PLPP7: variants seen among roughly 807,000 people sequenced by gnomAD.
PLPP7 encodes phospholipid phosphatase 7 (inactive).
A neutral mutation model predicts 16.9 loss-of-function variants in PLPP7; 11 were observed. That is an observed-to-expected ratio of 0.65 (90% CI 0.41 to 1.08). The LOEUF is 1.08. Ranked by LOEUF, PLPP7 falls within the 50% of genes least tolerant of loss-of-function variation. The pLI is 0.00. For synonymous variants in PLPP7, 174 were observed against 175.1 expected, an observed-to-expected ratio of 0.99 and a Z score of 0.05; for missense variants, 358 against 397.1, an observed-to-expected ratio of 0.90 and a Z score of 0.84.
chr9:131,294,344 C>G (rs1176314694), intron 1 of PLPP7, among the ~76,000 whole-genome samples: 1 of 152,220 alleles, frequency 6.6e-6, no homozygotes, highest in Non-Finnish European at 1.5e-5. Context: ...TTGGCACTTA[C>G]TGATGTTGGT....
intron 1 of PLPP7, among the ~76,000 whole-genome samples, chr9:131,297,784 CT>C (rs1213604364): frequency 1.3e-5 from 2 of 152,234 alleles, no homozygotes; most frequent in Non-Finnish European, 2.9e-5. Context: ...AAAATCACCC[CT>C]AATCCTCTTG....
At chr9:131,307,749 G>C (rs1835869837) in intron 1 of PLPP7, among the ~76,000 whole-genome samples, 174 bp from the exon 2 acceptor site, 1 of 152,162 alleles carries the variant, frequency 6.6e-6, no homozygotes. Flanking sequence ...GATGTGCCGG[G>C]CAGGGGAGAC....
chr9:131,291,149 T>C lies in PLPP7; in HGVS notation c.451+701T>C, dbSNP rs778064278. On this transcript the variant is annotated intron_variant, in intron 1 of 1. Coordinates refer to ENST00000372264, the MANE Select transcript of PLPP7 (RefSeq NM_032728.4). ...TGTGCCAGGTGCCACGTGGGGCCCA[T>C]GTGGAGGCAAGCCATTCCCTCCACC... 1.4e-5 allele frequency: 19 copies of C among 1,366,446 alleles called. No individual in the cohort carries two copies. In the South Asian group the frequency reaches 1.9e-4, roughly 14 times the overall value. 84.6% of individuals were successfully genotyped at this position (1,366,446 alleles called of 1,614,324 possible). A position where few individuals can be genotyped will look rare whatever the true frequency, so the allele number is the denominator to read the frequency against.
intron 1 of PLPP7, among the ~76,000 whole-genome samples, chr9:131,296,242 T>C (rs1835733694): frequency 6.6e-6 from 1 of 152,102 alleles, no homozygotes; most frequent in Non-Finnish European, 1.5e-5. Context: ...TTTTTGTTTG[T>C]TTTTTGTTTC....
chr9:131,301,214 C>T (rs1835795182), intron 1 of PLPP7, among the ~76,000 whole-genome samples: 2 of 152,138 alleles, frequency 1.3e-5, no homozygotes, highest in Non-Finnish European at 2.9e-5. Flanking sequence ...GGTGATCCAC[C>T]CACCTCGGCC....
At chr9:131,291,544 G>A (rs1212069414) in intron 1 of PLPP7, 1 of 323,774 alleles carries the variant, frequency 3.1e-6, no homozygotes, top group African/African-American at 2.3e-5. Flanking sequence ...CCACCTTCGA[G>A]GTTTTCTTGT....
At chr9:131,303,148 A>AT (rs898016494) in intron 1 of PLPP7, among the ~76,000 whole-genome samples, 84 of 152,292 alleles carry the variant, frequency 5.5e-4, no homozygotes, top group African/African-American at 1.7e-3. Context: ...GCTGACCAAC[A>AT]TGGAGAAACT....
intron 1 of PLPP7, among the ~76,000 whole-genome samples, chr9:131,291,656 A>G (rs1253291063): frequency 6.7e-6 from 1 of 148,834 alleles, no homozygotes; most frequent in Non-Finnish European, 1.5e-5. Flanking sequence ...CCTTCAGCTC[A>G]CTACAACCTC....
At chr9:131,303,816 C>T (rs929560906) in intron 1 of PLPP7, among the ~76,000 whole-genome samples, 2 of 152,170 alleles carry the variant, frequency 1.3e-5, no homozygotes, top group Non-Finnish European at 2.9e-5. Context: ...CCCTGAGCTT[C>T]GTCTCACAGG....
chr9:131,291,683 G>A (rs1241558959), intron 1 of PLPP7, among the ~76,000 whole-genome samples: 2 of 151,202 alleles, frequency 1.3e-5, no homozygotes, highest in African/African-American at 2.4e-5. Flanking sequence ...CCGGGTTCAA[G>A]CAATTCTCCT....
intron 1 of PLPP7, among the ~76,000 whole-genome samples, chr9:131,303,332 T>TAAAAAAA (rs34474446): frequency 2.0e-5 from 2 of 99,176 alleles, no homozygotes; most frequent in Non-Finnish European, 4.0e-5. Flanking sequence ...AACTCTGTCT[T>TAAAAAAA]AAAAAAAAAA....
In PLPP7 at chr9:131,308,233, G is replaced by A. The variant is rs2131222596; in HGVS notation, c.762G>A (p.Val254=). 1.3e-6 allele frequency: 2 copies of A among 1,599,386 alleles called. No individual in the cohort carries two copies. The highest frequency in any genetic ancestry group is 2.2e-5 in the East Asian group (1 of 44,858). The change falls in exon 2 of 2, where the codon GTG becomes GTA. Residue 254 remains valine (V), a synonymous_variant. Transcript: ENST00000372264. The part of the protein sequence containing the change: ...FVIGYLQFRL[V]ELVWMPSSTC... ...TCGGCTACCTCCAGTTCCGTCTGGT[G>A]GAGCTGGTCTGGATGCCCTCCAGCA...
chr9:131,294,876 G>A (rs115223307), intron 1 of PLPP7, among the ~76,000 whole-genome samples: 6 of 151,840 alleles, frequency 4.0e-5, no homozygotes, highest in Admixed American at 6.6e-5. Context: ...GATTATAGGC[G>A]TGAGGTGATC....
chr9:131,301,539 G>A (rs529959257), intron 1 of PLPP7, among the ~76,000 whole-genome samples: 6 of 152,324 alleles, frequency 3.9e-5, no homozygotes, highest in Admixed American at 3.3e-4. Flanking sequence ...TTGAGGTGGT[G>A]GAGGTCTTGG....
At chr9:131,291,283 G>A (rs1320778252) in intron 1 of PLPP7, 34 of 1,257,582 alleles carry the variant, frequency 2.7e-5, no homozygotes, top group Non-Finnish European at 3.4e-5. Context: ...CGATTTCCTT[G>A]TCTTTCCCGG....
Position 131,308,122 on chromosome 9 carries a change from G to T in PLPP7, c.651G>T (p.Leu217=). ...HLVLAVPLRV[L]LVLWALCVGL... Reference sequence around the variant, plus strand: ...TGCTGGCGGTGCCCCTGCGTGTGCTGCTGGTGCTCTGGGCCCTCTGCGTGG... The same window carrying T: ...TGCTGGCGGTGCCCCTGCGTGTGCTTCTGGTGCTCTGGGCCCTCTGCGTGG... The change falls in exon 2 of 2, where the codon CTG becomes CTT. Residue 217 remains leucine (L), a synonymous_variant. Transcript: ENST00000372264. 1 of 1,601,058 alleles carries T rather than the reference G, an allele frequency of 6.2e-7. No homozygotes were observed. Among genetic ancestry groups the T allele is most frequent in the South Asian group, 1.1e-5 (1 of 91,068 alleles).
chr9:131,306,098 GT>G (rs1835848881), intron 1 of PLPP7, among the ~76,000 whole-genome samples: 1 of 152,114 alleles, frequency 6.6e-6, no homozygotes, highest in African/African-American at 2.4e-5. Context: ...TTAGCCAGGC[GT>G]AGTGGCAGGC....
chr9:131,305,863 A>G (rs867689871), intron 1 of PLPP7, among the ~76,000 whole-genome samples: 4 of 152,146 alleles, frequency 2.6e-5, no homozygotes, highest in Non-Finnish European at 5.9e-5. Context: ...TCCTGGGCTC[A>G]AGCAATATGC....
At position 131,290,295 on chromosome 9, in the gene PLPP7, G is replaced by A. The variant is rs373987134; in HGVS notation, c.298G>A (p.Ala100Thr). Residue 100 changes from alanine (A) to threonine (T), a missense_variant, in exon 1 of 2, where the codon GCT (alanine) becomes ACT (threonine). By Grantham distance (58) the Ala-to-Thr change is moderately conservative. Transcript: ENST00000372264. This position sits in a 1 kb window ranked among gnomAD's most constrained non-coding sequence, Gnocchi z 4.2. The stretch of plus-strand genomic sequence containing the variant: ...TATGTCCAAGCGGCTGGGGGTGTGC[G>A]CTGGCCGGGCGGCGTCCTGGGCCAG... ...ICMSKRLGVC[A>T]GRAASWASAR... 3.1e-6 allele frequency: 5 copies of A among 1,611,920 alleles called. No individual in the cohort carries two copies. The highest frequency in any genetic ancestry group is 2.2e-5 in the East Asian group (1 of 44,830).
Sources: allele counts gnomAD v4.1 joint callset (sites outside exome capture counted in the v4.1 genomes callset), GRCh38; gene constraint gnomAD v4.1.1; non-coding constraint Gnocchi (gnomAD v3.1); transcripts MANE v1.5; gene names NCBI Gene and HGNC (gene_info 2026-07-23, HGNC 2026-07-21).